NPAS3: variants seen among roughly 807,000 people sequenced by gnomAD.
The protein encoded by NPAS3 is neuronal PAS domain-containing protein 3.
In NPAS3, 14 loss-of-function variants were observed where a neutral mutation model predicts 73.1. That is an observed-to-expected ratio of 0.19 (90% confidence interval 0.13 to 0.30). The LOEUF (loss-of-function observed/expected upper bound fraction) is 0.30, where lower values mean the gene tolerates loss of function less well. Among genes scored for constraint, NPAS3 ranks in the 10% least tolerant of loss-of-function variants. The pLI, the probability that NPAS3 is intolerant of heterozygous loss-of-function variation, is 1.00. For synonymous variants in NPAS3, 620 were observed against 541.5 expected (o/e 1.14, Z -2.01); for missense variants, 1,096 against 1,250.0 (o/e 0.88, Z 1.86).
intron 6 of NPAS3, among the ~76,000 whole-genome samples, chr14:33,684,178 A>G (rs531141758): frequency 1.3e-5 from 2 of 151,922 alleles, no homozygotes; most frequent in South Asian, 4.2e-4. Context: ...TCTGAAGTTA[A>G]GAGAGAAACG....
intron 4 of NPAS3, among the ~76,000 whole-genome samples, chr14:33,480,556 C>T (rs143689598): frequency 1.6e-5 from 1 of 63,196 alleles, no homozygotes; most frequent in Non-Finnish European, 2.6e-5. Flanking sequence ...ACCCTTCCTC[C>T]CTCCCTCCCT....
intron 7 of NPAS3, among the ~76,000 whole-genome samples, chr14:33,745,589 G>A (rs929108067): frequency 1.3e-5 from 2 of 152,150 alleles, no homozygotes; most frequent in Non-Finnish European, 2.9e-5. Context: ...GTCTACATGT[G>A]AAATTTCATG....
At chr14:33,666,321 A>C (rs2140296335) in intron 5 of NPAS3, among the ~76,000 whole-genome samples, 1 of 152,246 alleles carries the variant, frequency 6.6e-6, no homozygotes, top group African/African-American at 2.4e-5. Flanking sequence ...TTTTCATCCA[A>C]GCCACCTGTC....
intron 4 of NPAS3, among the ~76,000 whole-genome samples, chr14:33,524,081 T>A (rs2053682231): frequency 6.6e-6 from 1 of 152,144 alleles, no homozygotes; most frequent in African/African-American, 2.4e-5. Flanking sequence ...TTTTTTAGGT[T>A]ATCTTTTCAT....
rs138940022 is a variant in NPAS3, at chr14:33,007,088, G to A, written c.51-48817G>A. The stretch of plus-strand genomic sequence containing the variant: ...GATGTCACAGTCAGTGGCAATATTT[G>A]ATAATAGAGCTTGTCAGTGAATGTT... On this transcript the variant is annotated intron_variant, in intron 1 of 11. Coordinates refer to ENST00000356141, the Ensembl canonical transcript of NPAS3. Among the ~76,000 whole-genome samples the A allele has an allele frequency of 2.3e-3, 357 of 152,298 alleles. 2 individuals carry two copies. The highest frequency in any genetic ancestry group is 3.4e-3 in the Non-Finnish European group (233 of 68,028).
At chr14:33,013,171 A>G (rs1273906335) in intron 1 of NPAS3, among the ~76,000 whole-genome samples, 1 of 152,230 alleles carries the variant, frequency 6.6e-6, no homozygotes, top group African/African-American at 2.4e-5. Flanking sequence ...CATGCAGATC[A>G]GAGTAGATGG....
At chr14:33,100,369 T>C (rs2042546805) in intron 2 of NPAS3, among the ~76,000 whole-genome samples, 1 of 152,166 alleles carries the variant, frequency 6.6e-6, no homozygotes, top group East Asian at 1.9e-4. Context: ...AGAGTTAATT[T>C]TACCTGCAGA....
intron 2 of NPAS3, among the ~76,000 whole-genome samples, chr14:33,134,408 C>A (rs572116689): frequency 4.1e-4 from 62 of 152,132 alleles, no homozygotes; most frequent in Non-Finnish European, 4.9e-4. Flanking sequence ...CATCCTTAAA[C>A]ACTCAATTTT....
chr14:33,566,225 T>C (rs1460017507), intron 5 of NPAS3, among the ~76,000 whole-genome samples: 8 of 134,200 alleles, frequency 6.0e-5, no homozygotes, highest in African/African-American at 8.1e-5. Context: ...AAATTGATTT[T>C]TCCCCCCCGA....
intron 4 of NPAS3, among the ~76,000 whole-genome samples, chr14:33,519,545 C>A (rs915554599): frequency 6.6e-6 from 1 of 152,090 alleles, no homozygotes; most frequent in Non-Finnish European, 1.5e-5. Flanking sequence ...GGGTTTGCTG[C>A]GTATTATTTG....
At chr14:33,011,254 C>T (rs1413269355) in intron 1 of NPAS3, among the ~76,000 whole-genome samples, 2 of 152,086 alleles carry the variant, frequency 1.3e-5, no homozygotes, top group African/African-American at 4.8e-5. Context: ...AATTTGTATC[C>T]ATTCATTTTC....
intron 2 of NPAS3, among the ~76,000 whole-genome samples, chr14:33,111,160 G>A (rs2042879021): frequency 2.0e-5 from 3 of 152,156 alleles, no homozygotes; most frequent in Admixed American, 6.5e-5. Flanking sequence ...AAACTGCTGG[G>A]GTGATACTCA....
chr14:33,659,701 T>G (rs2059251078), intron 5 of NPAS3, among the ~76,000 whole-genome samples: 1 of 152,074 alleles, frequency 6.6e-6, no homozygotes, highest in Admixed American at 6.5e-5. Context: ...CTAGAAACCA[T>G]ACCTTTAATA....
intron 4 of NPAS3, among the ~76,000 whole-genome samples, chr14:33,454,023 G>A (rs904070404): frequency 8.5e-5 from 13 of 152,142 alleles, no homozygotes; most frequent in African/African-American, 2.9e-4. Flanking sequence ...AAGCAACAAC[G>A]AAGGTTTTCC....
At chr14:33,184,556 G>T (rs1171304989) in intron 2 of NPAS3, among the ~76,000 whole-genome samples, 70 of 152,298 alleles carry the variant, frequency 4.6e-4, no homozygotes, top group Non-Finnish European at 1.5e-4. Context: ...GAAGAGAAAG[G>T]ATTAGAGCGG....
chr14:33,647,486 G>A (rs1366477653), intron 5 of NPAS3, among the ~76,000 whole-genome samples: 1 of 151,938 alleles, frequency 6.6e-6, no homozygotes. Context: ...TGATCTAGTT[G>A]TTAGTCATTC....
intron 1 of NPAS3, among the ~76,000 whole-genome samples, chr14:32,993,406 T>G (rs1342746878): frequency 6.6e-6 from 1 of 152,108 alleles, no homozygotes; most frequent in African/African-American, 2.4e-5. Context: ...TCCTAAGAGG[T>G]GAGACATTCG....
downstream of NPAS3, chr14:33,803,479 G>C (rs1000411974): frequency 2.3e-4 from 35 of 152,180 alleles, no homozygotes; most frequent in African/African-American, 8.2e-4. Context: ...ATTTAAGTAG[G>C]TTTAGGAGGT....
chr14:33,635,725 C>T (rs1195812208), intron 5 of NPAS3, among the ~76,000 whole-genome samples: 1 of 152,232 alleles, frequency 6.6e-6, no homozygotes, highest in Non-Finnish European at 1.5e-5. Context: ...TCCAGAAGCC[C>T]ACCTTCCCTG....
Sources: gnomAD v4.1 joint callset for allele counts (sites outside exome capture counted in the v4.1 genomes callset) on GRCh38, gnomAD v4.1.1 for gene constraint, MANE v1.5 for transcripts, NCBI Gene and HGNC (gene_info 2026-07-23, HGNC 2026-07-21) for gene names.